Variants in RBM5 observed in about 807,000 individuals in gnomAD.
The protein encoded by RBM5 is RNA binding motif protein 5.
In RBM5, 15 loss-of-function variants were observed where a neutral mutation model predicts 124.6. The observed-to-expected ratio is 0.12, with a 90% CI of 0.08 to 0.19. The LOEUF (loss-of-function observed/expected upper bound fraction) is 0.19. Ranked by LOEUF, RBM5 falls within the 10% of genes least tolerant of loss-of-function variation. The pLI is 1.00. For missense variants in RBM5, 580 were observed against 1,026.5 expected, an observed-to-expected ratio of 0.57 and a Z score of 5.94; for synonymous variants, 337 against 361.2, an observed-to-expected ratio of 0.93 and a Z score of 0.76.
chr3:50,096,626 G>A (rs2090821016), intron 4 of RBM5, among the ~76,000 whole-genome samples: 1 of 152,022 alleles, frequency 6.6e-6, no homozygotes, highest in East Asian at 1.9e-4. Context: ...GCCTTACTCT[G>A]TCGCATAGGC....
intron 4 of RBM5, among the ~76,000 whole-genome samples, chr3:50,097,026 G>A (rs773057416): frequency 6.6e-6 from 1 of 152,130 alleles, no homozygotes; most frequent in Non-Finnish European, 1.5e-5. Flanking sequence ...CTTTTGGCAG[G>A]AGAGGGATGA....
At chr3:50,109,807 ATTTC>A in intron 15 of RBM5, 119 bp downstream of exon 15, 1 of 668,190 alleles carries the variant, frequency 1.5e-6, no homozygotes. Flanking sequence ...CTTCAACCTT[ATTTC>A]TTTCTGTTGT....
In RBM5 at chr3:50,109,609, C is replaced by T. The variant is rs752971174; in HGVS notation, c.1199C>T (p.Ala400Val). 1.2e-6 allele frequency: 2 copies of T among 1,613,734 alleles called. No homozygotes were observed. The highest frequency in any genetic ancestry group is 1.3e-5 in the African/African-American group (1 of 74,904). Residue 400 changes from alanine to valine, a missense_variant, in exon 15 of 25, where the codon GCA (alanine) becomes GTA (valine). By Grantham distance (64) the Ala-to-Val change is moderately conservative. Coordinates refer to ENST00000347869, the MANE Select transcript of RBM5 (RefSeq NM_005778.4). ...ESDASSASGT[A>V]VTTTSAAVVS... ...CACTTGTGTTTATCATCAGGCACAGCAGTGACCACCACCTCAGCGGCTGTA... is the reference window on the plus strand; with the variant it reads ...CACTTGTGTTTATCATCAGGCACAGTAGTGACCACCACCTCAGCGGCTGTA...
At position 50,089,029 on chromosome 3, in the gene RBM5, G is replaced by C. The variant is rs571625263; in HGVS notation, c.-54G>C. The stretch of plus-strand genomic sequence containing the variant: ...TACTGCTGCTTCGGTCTCTCCTTGG[G>C]GTAAGTGCGGCGGCTGTCTGTAACG... On this transcript the variant is annotated splice_region_variant and 5_prime_UTR_variant, in exon 1 of 25. Transcript: ENST00000347869. 8.5e-5 allele frequency: 13 copies of C among 152,430 alleles called. 1 individual carries two copies. The East Asian group carries it at 2.5e-3, about 29-fold the overall frequency. 9.4% of individuals were successfully genotyped at this position (152,430 alleles called of 1,614,324 possible).
intron 16 of RBM5, 44 bp from the exon 17 acceptor site, chr3:50,110,635 A>T: frequency 6.4e-7 from 1 of 1,559,026 alleles, no homozygotes; most frequent in Non-Finnish European, 8.8e-7. Flanking sequence ...AATAAAGCCA[A>T]TTTCTTACCT....
Position 50,093,664 on chromosome 3 carries a change from T to A in RBM5, c.184-56T>A, listed in dbSNP as rs1024741519. ...AAGGATAATTTCTAGGAGTGGAGGG[T>A]CTGTTTCAAAGAGTACAGGGTGATG... On this transcript the variant is annotated intron_variant, in intron 3 of 24. Transcript: ENST00000347869. 4 of 1,530,090 alleles carry A rather than the reference T, an allele frequency of 2.6e-6. No homozygotes were observed. The Admixed American group carries it at 5.1e-5, about 19-fold the overall frequency. 94.8% of individuals were successfully genotyped at this position (1,530,090 alleles called of 1,614,324 possible).
At chr3:50,110,137 G>A (rs573192236) in intron 15 of RBM5, among the ~76,000 whole-genome samples, 3 of 152,326 alleles carry the variant, frequency 2.0e-5, no homozygotes, top group African/African-American at 4.8e-5. Context: ...CTTGAACCCC[G>A]GAGACGGAGG....
chr3:50,109,506 C>A, intron 14 of RBM5, 97 bp from the exon 15 acceptor site: 1 of 943,058 alleles, frequency 1.1e-6, no homozygotes, highest in Non-Finnish European at 1.7e-6. Context: ...CTGACATATA[C>A]AATGACAGAA....
Position 50,118,452 on chromosome 3 carries a change from A to AGT in RBM5, c.2446_2447dup (p.Ter816CysfsTer39). The AGT allele has an allele frequency of 3.1e-6, 5 of 1,613,180 alleles. No homozygotes were observed. Among genetic ancestry groups the AGT allele is most frequent in the Non-Finnish European group, 4.2e-6 (5 of 1,179,880 alleles). ...ATGTTTGCCCGGTTCACTGAGATGG[A>AGT]GTGAGAGAGAGAGAGAGAGAGAGAT... On this transcript the variant is annotated frameshift_variant, in exon 25 of 25. Transcript: ENST00000347869. LOFTEE classifies it high-confidence loss of function.
chr3:50,104,941 A>G (rs2091001794), intron 8 of RBM5, 136 bp from the exon 9 acceptor site: 4 of 653,872 alleles, frequency 6.1e-6, no homozygotes, highest in Non-Finnish European at 7.8e-6. Flanking sequence ...AGGTTTTACT[A>G]TAGGCACAAA....
chr3:50,103,450 C>T (rs1187318530), intron 7 of RBM5, among the ~76,000 whole-genome samples: 1 of 152,116 alleles, frequency 6.6e-6, no homozygotes, highest in Non-Finnish European at 1.5e-5. Context: ...GGTTAGAGAC[C>T]AGCCTGGCCA....
chr3:50,098,994 C>G (rs1265164202), intron 4 of RBM5, among the ~76,000 whole-genome samples: 1 of 152,184 alleles, frequency 6.6e-6, no homozygotes, highest in East Asian at 1.9e-4. Flanking sequence ...GTGGCTCACT[C>G]CTGTAATCCT....
rs535685859 is a variant in RBM5 at position 50,115,339 on chromosome 3, T to G, written c.1840-89T>G. On this transcript the variant is annotated intron_variant, in intron 20 of 24. Coordinates refer to ENST00000347869, the MANE Select transcript of RBM5 (RefSeq NM_005778.4). ...GCAGTAATGGGGATTTGTTAACATT[T>G]CGGATGAGGCATTACTTTATCCAGG... 3.9e-4 allele frequency: 559 copies of G among 1,416,994 alleles called. 3 individuals are homozygous for G. The African/African-American group carries it at 7.1e-3, about 18-fold the overall frequency. 87.8% of individuals were successfully genotyped at this position (1,416,994 alleles called of 1,614,324 possible).
intron 4 of RBM5, among the ~76,000 whole-genome samples, chr3:50,098,456 T>A (rs1328002740): frequency 2.0e-5 from 3 of 151,934 alleles, no homozygotes; most frequent in Non-Finnish European, 2.9e-5. Flanking sequence ...TTTTATTATT[T>A]TTTTTTGAGA....
At chr3:50,090,224 C>T in intron 1 of RBM5, 158 bp from the exon 2 acceptor site, 2 of 511,750 alleles carry the variant, frequency 3.9e-6, no homozygotes, top group East Asian at 3.3e-5. Flanking sequence ...ACGATTTTAA[C>T]GTTGACAGTT....
intron 4 of RBM5, among the ~76,000 whole-genome samples, chr3:50,095,775 C>T (rs904024561): frequency 2.0e-5 from 3 of 151,978 alleles, no homozygotes; most frequent in Non-Finnish European, 1.5e-5. Context: ...GAAAATAGGC[C>T]TCTGTGTGAA....
At position 50,104,283 on chromosome 3, in the gene RBM5, C is replaced by T; in HGVS notation, c.603C>T (p.Cys201=). The change falls in exon 8 of 25, where the codon TGC becomes TGT. Residue 201 remains cysteine (C), a synonymous_variant. Coordinates refer to ENST00000347869, the MANE Select transcript of RBM5 (RefSeq NM_005778.4). The part of the protein sequence containing the change: ...CLNNFRKRLK[C]FRCGADKFDS... The stretch of plus-strand genomic sequence containing the variant: ...ACAATTTCAGGAAAAGACTAAAATG[C>T]TTCCGATGTGGAGCAGACAAGTTTG... The T allele has an allele frequency of 6.2e-7, 1 of 1,614,034 alleles. No homozygotes were observed. The highest frequency in any genetic ancestry group is 1.1e-5 in the South Asian group (1 of 91,066).
intron 20 of RBM5, 189 bp downstream of exon 20, chr3:50,114,440 G>A (rs2091204107): frequency 2.3e-5 from 13 of 555,634 alleles, no homozygotes; most frequent in Admixed American, 7.7e-5. Flanking sequence ...CAGATGAGAT[G>A]GAGTGATGAA....
rs2091053919 is a variant in RBM5 at position 50,107,462 on chromosome 3, T to C, written c.954-20T>C. Reference sequence around the variant, plus strand: ...GGAATACTGTGATAGAATCACATGATTGGATCTTTGTGGTTTCAGAGACTT... The same window carrying C: ...GGAATACTGTGATAGAATCACATGACTGGATCTTTGTGGTTTCAGAGACTT... On this transcript the variant is annotated intron_variant, in intron 11 of 24. Transcript: ENST00000347869. 1.9e-6 allele frequency: 3 copies of C among 1,544,828 alleles called. No homozygotes were observed. Among genetic ancestry groups the C allele is most frequent in the East Asian group, 2.2e-5 (1 of 44,474 alleles).
Sources: gnomAD v4.1 joint callset for allele counts (sites outside exome capture counted in the v4.1 genomes callset) on GRCh38, gnomAD v4.1.1 for gene constraint, MANE v1.5 for transcripts, NCBI Gene and HGNC (gene_info 2026-07-23, HGNC 2026-07-21) for gene names.